Variants in METTL8 observed in about 807,000 individuals in gnomAD.
METTL8 encodes methyltransferase 8, tRNA N3-cytidine, also known as tRNA N(3)-cytidine methyltransferase METTL8, mitochondrial.
In METTL8, 32 loss-of-function variants were observed where a neutral mutation model predicts 48.7. That is an observed-to-expected ratio of 0.66 (90% confidence interval 0.50 to 0.88). METTL8 has a LOEUF of 0.88. Ranked by LOEUF, METTL8 falls within the 40% of genes least tolerant of loss-of-function variation. The pLI is 0.00. For synonymous variants in METTL8, 136 were observed against 157.1 expected, an observed-to-expected ratio of 0.87 and a Z score of 1.01; for missense variants, 464 against 474.4, an observed-to-expected ratio of 0.98 and a Z score of 0.20.
rs1370428626 is a variant in METTL8 at position 171,344,192 on chromosome 2, T to C, written c.236-4638A>G. Among the ~76,000 whole-genome samples, 6 of 152,330 alleles carry C rather than the reference T, an allele frequency of 3.9e-5. No individual in the cohort carries two copies. The East Asian group carries it at 5.8e-4, about 15-fold the overall frequency. ...CACTATGTCAAATGCTTTACTTGGA[T>C]TTTTCCCCCATTTAATCCTAGCAGT... On this transcript the variant is annotated intron_variant, in intron 3 of 9. Transcript: ENST00000375258.
At chr2:171,363,817 T>TATATATATATATATATATATATGTATA (rs1228494441) in intron 2 of METTL8, among the ~76,000 whole-genome samples, 1 of 129,056 alleles carries the variant, frequency 7.7e-6, no homozygotes, top group African/African-American at 2.9e-5. Context: ...TATATATATC[T>TATATATATATATATATATATATGTATA]TTTTTTTTTT....
intron 2 of METTL8, among the ~76,000 whole-genome samples, chr2:171,368,522 A>G (rs1477368264): frequency 6.6e-6 from 1 of 151,884 alleles, no homozygotes; most frequent in Non-Finnish European, 1.5e-5. Flanking sequence ...GTCCACCACC[A>G]TGAGTTTGAT....
chr2:171,378,628 CTAAAAAAATAAAAA>C (rs979293003), intron 2 of METTL8, among the ~76,000 whole-genome samples: 2 of 151,398 alleles, frequency 1.3e-5, no homozygotes, highest in Non-Finnish European at 2.9e-5. Flanking sequence ...GAGACTCCAT[CTAAAAAAATAAAAA>C]TAAAAAAATA....
intron 1 of METTL8, among the ~76,000 whole-genome samples, chr2:171,398,017 A>G (rs541065199): frequency 2.0e-5 from 3 of 152,338 alleles, no homozygotes; most frequent in African/African-American, 7.2e-5. Context: ...AGAAATTAGG[A>G]AATTGGAGCC....
chr2:171,414,417 CAA>C (rs61382748), intron 1 of METTL8, among the ~76,000 whole-genome samples: 7 of 105,604 alleles, frequency 6.6e-5, no homozygotes, highest in Non-Finnish European at 6.1e-5. Context: ...AACTCCGTCT[CAA>C]AAAAAAAAAA....
intron 1 of METTL8, among the ~76,000 whole-genome samples, chr2:171,406,276 A>G (rs568333322): frequency 1.3e-5 from 2 of 152,324 alleles, no homozygotes; most frequent in African/African-American, 2.4e-5. Flanking sequence ...GATAATTTTT[A>G]ATACCTATTA....
chr2:171,325,353 TA>T (rs891523196), intron 9 of METTL8, among the ~76,000 whole-genome samples: 9 of 151,430 alleles, frequency 5.9e-5, no homozygotes, highest in African/African-American at 1.9e-4. Context: ...ACCAGCTAAT[TA>T]AAAAAAAATT....
intron 1 of METTL8, among the ~76,000 whole-genome samples, chr2:171,397,311 ACTT>A (rs1473005342): frequency 7.6e-6 from 1 of 131,728 alleles, no homozygotes; most frequent in East Asian, 2.7e-4. Flanking sequence ...TGAGGCCAAG[ACTT>A]TGAGACTAGC....
chr2:171,370,294 A>G (rs529134721), intron 2 of METTL8, among the ~76,000 whole-genome samples: 31 of 152,284 alleles, frequency 2.0e-4, no homozygotes, highest in African/African-American at 7.0e-4. Context: ...TATTTTTTTA[A>G]CTGTTAAATA....
intron 2 of METTL8, among the ~76,000 whole-genome samples, chr2:171,384,879 C>T (rs1687899153): frequency 6.6e-6 from 1 of 151,780 alleles, no homozygotes; most frequent in African/African-American, 2.4e-5. Flanking sequence ...AGACTATAGG[C>T]AGATATAAGT....
chr2:171,379,729 A>G (rs1180564980), intron 2 of METTL8, among the ~76,000 whole-genome samples: 1 of 152,204 alleles, frequency 6.6e-6, no homozygotes, highest in African/African-American at 2.4e-5. Context: ...GAATAGACCA[A>G]TAACAAGTTC....
In METTL8 at chr2:171,337,840, C is replaced by G. The variant is rs538799978; in HGVS notation, c.607-338G>C. On this transcript the variant is annotated intron_variant, in intron 4 of 9. Transcript: ENST00000375258. ...AAGCAGAGAAAATAAATGGACAGAA[C>G]AAAAAAGAAGTACAAATGATTCTAA... Among the ~76,000 whole-genome samples the G allele has an allele frequency of 2.1e-5, 3 of 145,574 alleles. No individual in the cohort carries two copies. In the East Asian group the frequency reaches 6.0e-4, roughly 29 times the overall value.
At position 171,365,398 on chromosome 2, in the gene METTL8, C is replaced by T. The variant is rs150751705; in HGVS notation, c.144-4885G>A. 1.4e-3 allele frequency among the ~76,000 whole-genome samples: 213 copies of T among 152,298 alleles called. 4 individuals carry two copies. The East Asian group carries it at 0.015, about 10-fold the overall frequency. On this transcript the variant is annotated intron_variant, in intron 2 of 9. Transcript: ENST00000375258. ...GAGTTCTCCTTCACTGATTAATCCTCTTCCTCATCCGTTCCTACCCCTCCC... is the reference window on the plus strand; with the variant it reads ...GAGTTCTCCTTCACTGATTAATCCTTTTCCTCATCCGTTCCTACCCCTCCC...
intron 1 of METTL8, among the ~76,000 whole-genome samples, chr2:171,394,285 A>G (rs951726628): frequency 6.6e-6 from 1 of 152,232 alleles, no homozygotes; most frequent in Non-Finnish European, 1.5e-5. Flanking sequence ...GCTCAAAAGT[A>G]TAAAATGATG....
At chr2:171,345,610 T>A (rs1289289396) in intron 3 of METTL8, among the ~76,000 whole-genome samples, 1 of 152,184 alleles carries the variant, frequency 6.6e-6, no homozygotes, top group Non-Finnish European at 1.5e-5. Context: ...ACTCTCTCTA[T>A]ATATTTTTTT....
intron 1 of METTL8, among the ~76,000 whole-genome samples, chr2:171,418,005 G>A (rs1274694793): frequency 1.3e-5 from 2 of 151,920 alleles, no homozygotes; most frequent in Non-Finnish European, 2.9e-5. Context: ...GCGCAGTGGC[G>A]CAATCTCGGC....
intron 3 of METTL8, among the ~76,000 whole-genome samples, chr2:171,358,752 TA>T (rs1348837074): frequency 1.3e-5 from 2 of 152,160 alleles, no homozygotes; most frequent in African/African-American, 2.4e-5. Context: ...GGAGCATTTT[TA>T]TTTGTCTATT....
intron 5 of METTL8, 102 bp from the exon 6 acceptor site, chr2:171,331,969 T>C (rs986202028): frequency 2.6e-6 from 2 of 780,776 alleles, no homozygotes; most frequent in Admixed American, 4.5e-5. Context: ...CACTATAACC[T>C]TGAGCTCCTG....
intron 1 of METTL8, among the ~76,000 whole-genome samples, chr2:171,401,480 C>T (rs1020893258): frequency 1.3e-5 from 2 of 152,108 alleles, no homozygotes; most frequent in Non-Finnish European, 2.9e-5. Context: ...CACACTATGA[C>T]GTCAGTAACT....
Sources: allele counts gnomAD v4.1 joint callset (sites outside exome capture counted in the v4.1 genomes callset), GRCh38; gene constraint gnomAD v4.1.1; transcripts MANE v1.5; gene names NCBI Gene and HGNC (gene_info 2026-07-23, HGNC 2026-07-21).